HIVEP2: variants seen among roughly 807,000 people sequenced by gnomAD.
The protein encoded by HIVEP2 is HIVEP zinc finger 2.
In HIVEP2, 14 loss-of-function variants were observed where a neutral mutation model predicts 180.7. The observed-to-expected ratio is 0.08, with a 90% CI of 0.05 to 0.12. The LOEUF (loss-of-function observed/expected upper bound fraction) is 0.12. HIVEP2 is among the 10% of genes least tolerant of loss of function. The pLI, the probability that HIVEP2 is intolerant of heterozygous loss-of-function variation, is 1.00. For missense variants in HIVEP2, 2,579 were observed against 3,008.5 expected, an observed-to-expected ratio of 0.86 and a Z score of 3.34; for synonymous variants, 1,184 against 1,136.4, an observed-to-expected ratio of 1.04 and a Z score of -0.84.
At chr6:142,903,712 G>A (rs1777190358) in intron 1 of HIVEP2, among the ~76,000 whole-genome samples, 1 of 152,024 alleles carries the variant, frequency 6.6e-6, no homozygotes, top group Non-Finnish European at 1.5e-5. Flanking sequence ...AAACAAAAAG[G>A]TGAAATCACC....
chr6:142,797,679 G>A (rs1219550678), intron 2 of HIVEP2, among the ~76,000 whole-genome samples: 1 of 152,116 alleles, frequency 6.6e-6, no homozygotes, highest in East Asian at 1.9e-4. Flanking sequence ...GAATGAGAGA[G>A]AGACCACACT....
At chr6:142,801,940 C>T (rs1776423061) in intron 2 of HIVEP2, among the ~76,000 whole-genome samples, 1 of 152,130 alleles carries the variant, frequency 6.6e-6, no homozygotes, top group South Asian at 2.1e-4. Flanking sequence ...TCTGTGAAAA[C>T]ACAAGATAGA....
At chr6:142,761,961 G>A (rs1355412400) in intron 7 of HIVEP2, among the ~76,000 whole-genome samples, 1 of 152,174 alleles carries the variant, frequency 6.6e-6, no homozygotes, top group East Asian at 1.9e-4. Flanking sequence ...ACACCTCAGA[G>A]ATACTTCAGA....
At position 142,770,852 on chromosome 6, in the gene HIVEP2, T is replaced by C. The variant is rs1775518673; in HGVS notation, c.3887A>G (p.Lys1296Arg). 6.2e-7 allele frequency: 1 copy of C among 1,614,102 alleles called. No individual in the cohort carries two copies. The highest frequency in any genetic ancestry group is 1.7e-5 in the Admixed American group (1 of 60,012). ...CTTACTGCTCTGGTCTGATGGAAAC[T>C]TTGGAAGAAGGTTCTTTGGGTGTAG... ...SGLHPKNLLP[K>R]FPSDQSSKST... Residue 1296 changes from lysine (K) to arginine (R), a missense_variant, in exon 5 of 10, where the codon AAG (lysine) becomes AGG (arginine). Lys to Arg is a conservative substitution (Grantham distance 26, BLOSUM62 2). Coordinates refer to ENST00000367603, the MANE Select transcript of HIVEP2 (RefSeq NM_006734.4). This position sits in a 1 kb window ranked among gnomAD's most constrained non-coding sequence, Gnocchi z 4.7.
chr6:142,801,106 A>C (rs1031986755), intron 2 of HIVEP2, among the ~76,000 whole-genome samples: 1 of 146,486 alleles, frequency 6.8e-6, no homozygotes, highest in African/African-American at 2.5e-5. Flanking sequence ...TGCCCTGTCT[A>C]TTCAGTTCTG....
chr6:142,824,587 C>T (rs910154619), intron 2 of HIVEP2, among the ~76,000 whole-genome samples: 11 of 152,206 alleles, frequency 7.2e-5, no homozygotes, highest in Non-Finnish European at 1.3e-4. Context: ...AACCAATTCT[C>T]CTTCAAGACT....
chr6:142,927,866 A>C (rs78392807), intron 1 of HIVEP2, among the ~76,000 whole-genome samples: 283 of 152,352 alleles, frequency 1.9e-3, no homozygotes, highest in Non-Finnish European at 2.1e-3. Context: ...TAAGGCCATA[A>C]GGTATTTTAT....
At chr6:142,805,881 G>C (rs1173435139) in intron 2 of HIVEP2, among the ~76,000 whole-genome samples, 1 of 152,138 alleles carries the variant, frequency 6.6e-6, no homozygotes. Context: ...CCAAGTGTCA[G>C]ATGTTTTGCC....
intron 1 of HIVEP2, among the ~76,000 whole-genome samples, chr6:142,887,987 A>G (rs980618002): frequency 6.6e-6 from 1 of 152,134 alleles, no homozygotes; most frequent in African/African-American, 2.4e-5. Context: ...GCTTTTTCAA[A>G]TTAATCTTTC....
intron 1 of HIVEP2, among the ~76,000 whole-genome samples, chr6:142,898,999 C>T (rs1023912384): frequency 3.3e-5 from 5 of 152,172 alleles, no homozygotes; most frequent in Non-Finnish European, 7.3e-5. Context: ...TCTTGTGAGG[C>T]TGCCTGAGAG....
At chr6:142,849,517 ATTT>A (rs5880551) in intron 1 of HIVEP2, among the ~76,000 whole-genome samples, 5 of 131,800 alleles carry the variant, frequency 3.8e-5, no homozygotes, top group East Asian at 4.6e-4. Flanking sequence ...TTATTTATTT[ATTT>A]TTTTTTTTTT....
chr6:142,767,370 GA>G (rs1267192490), intron 6 of HIVEP2, among the ~76,000 whole-genome samples: 1 of 152,318 alleles, frequency 6.6e-6, no homozygotes, highest in East Asian at 1.9e-4. Context: ...GATATCCAAA[GA>G]GGGCAAAACC....
intron 2 of HIVEP2, among the ~76,000 whole-genome samples, chr6:142,810,936 T>C (rs1233549934): frequency 6.6e-6 from 1 of 152,126 alleles, no homozygotes; most frequent in Non-Finnish European, 1.5e-5. Flanking sequence ...CAACATTAAA[T>C]ATTCAAAGCA....
chr6:142,884,623 A>T (rs1776652361), intron 1 of HIVEP2, among the ~76,000 whole-genome samples: 1 of 152,182 alleles, frequency 6.6e-6, no homozygotes, highest in Admixed American at 6.6e-5. Context: ...TTTTGCAAAC[A>T]AAGTAGCATA....
chr6:142,868,043 G>T (rs747924392), intron 1 of HIVEP2, among the ~76,000 whole-genome samples: 1 of 152,134 alleles, frequency 6.6e-6, no homozygotes, highest in Non-Finnish European at 1.5e-5. Flanking sequence ...GGAAAATTAT[G>T]CATATAATCT....
rs751433636 is a variant in HIVEP2 at position 142,759,982 on chromosome 6, T to G, written c.6306A>C (p.Gln2102His). Residue 2102 changes from glutamine (Q) to histidine (H), a missense_variant, in exon 9 of 10, where the codon CAA becomes CAC. Transcript: ENST00000367603. ...KEAALRREMS[Q>H]RDVSPRRHLS... Reference sequence around the variant, plus strand: ...AATGCCTTCTTGGTGAAACATCTCTTTGGGACATCTCTCTTCTCAATGCAG... The same window carrying G: ...AATGCCTTCTTGGTGAAACATCTCTGTGGGACATCTCTCTTCTCAATGCAG... The G allele has an allele frequency of 1.9e-6, 3 of 1,614,042 alleles. No homozygotes were observed. The East Asian group carries it at 6.7e-5, about 36-fold the overall frequency.
chr6:142,940,758 CAG>C (rs1330920094), intron 1 of HIVEP2, among the ~76,000 whole-genome samples: 12 of 152,324 alleles, frequency 7.9e-5, no homozygotes, highest in African/African-American at 2.6e-4. Flanking sequence ...CCAGCAATAA[CAG>C]GGCACCAGTC....
At chr6:142,858,809 G>A (rs1775894819) in intron 1 of HIVEP2, among the ~76,000 whole-genome samples, 1 of 151,892 alleles carries the variant, frequency 6.6e-6, no homozygotes, top group Non-Finnish European at 1.5e-5. Flanking sequence ...GGCCAGGCTG[G>A]TCTCAAACTC....
intron 1 of HIVEP2, among the ~76,000 whole-genome samples, chr6:142,906,246 A>T (rs1342101271): frequency 6.6e-6 from 1 of 152,218 alleles, no homozygotes; most frequent in Non-Finnish European, 1.5e-5. Context: ...GATAATCTAG[A>T]TTAGGTAAAG....
Sources: allele counts gnomAD v4.1 joint callset (sites outside exome capture counted in the v4.1 genomes callset), GRCh38; gene constraint gnomAD v4.1.1; non-coding constraint Gnocchi (gnomAD v3.1); transcripts MANE v1.5; gene names NCBI Gene and HGNC (gene_info 2026-07-23, HGNC 2026-07-21).